The following ZNF281 variants were observed in gnomAD, a reference collection of about 807,000 sequenced individuals.
ZNF281 encodes zinc finger protein 281.
Under a neutral mutation model 58.8 loss-of-function variants are expected in ZNF281, and 2 were observed. The observed-to-expected ratio is 0.03, with a 90% CI of 0.01 to 0.11. The LOEUF (loss-of-function observed/expected upper bound fraction) is 0.11, where lower values mean the gene tolerates loss of function less well. ZNF281 is among the 10% of genes least tolerant of loss of function. ZNF281 has a pLI of 1.00. For missense variants in ZNF281, 975 were observed against 1,090.7 expected (o/e 0.89, Z 1.49); for synonymous variants, 465 against 407.7 (o/e 1.14, Z -1.69).
chr1:200,406,460 A>C lies in ZNF281; in HGVS notation c.*558T>G, dbSNP rs982253323. The C allele has an allele frequency of 6.5e-6, 1 of 152,692 alleles. No individual in the cohort carries two copies. Among genetic ancestry groups the C allele is most frequent in the African/African-American group, 2.4e-5 (1 of 41,448 alleles). The allele number at this position is 152,692 out of a possible 1,614,324, so 9.5% of individuals were successfully genotyped here. On this transcript the variant is annotated 3_prime_UTR_variant, in exon 2 of 2. Transcript: ENST00000367353. ...TTGGATCAGCCCAGATGGAGATAGC[A>C]ATTTGAAATGTCTTCGATCCCTTAC...
rs1310773993 is a variant in ZNF281, at chr1:200,405,413, C to G, written c.*1605G>C. On this transcript the variant is annotated 3_prime_UTR_variant, in exon 2 of 2. Transcript: ENST00000367353. The stretch of plus-strand genomic sequence containing the variant: ...TTAATTACTTTATTATACATGGAAG[C>G]CTGCGGTAGGCTGATTACACAATAA... 6.6e-6 allele frequency: 1 copy of G among 152,116 alleles called. No homozygotes were observed. The highest frequency in any genetic ancestry group is 1.5e-5 in the Non-Finnish European group (1 of 68,010). 9.4% of individuals were successfully genotyped at this position (152,116 alleles called of 1,614,324 possible). A position where few individuals can be genotyped will look rare whatever the true frequency, so the allele number is the denominator to read the frequency against.
Position 200,409,435 on chromosome 1 carries a change from G to A in ZNF281, c.271C>T (p.Pro91Ser), listed in dbSNP as rs924158512. The change falls in exon 2 of 2, where the codon CCC becomes TCC. Residue 91 changes from proline to serine, a missense_variant. By Grantham distance (74) the Pro-to-Ser change is moderately conservative. Coordinates refer to ENST00000367353, the MANE Select transcript of ZNF281 (RefSeq NM_001281293.2). ...GTCATGTCCGGGGCTGGCGGAGGGG[G>A]GGGCTCAGCGGCCGGGGCTGCGGAG... ...STSAAPAAEPPPPPAPDMTFK... is the reference protein window; with the variant it reads ...STSAAPAAEPSPPPAPDMTFK... 12 of 1,523,592 alleles carry A rather than the reference G, an allele frequency of 7.9e-6. No homozygotes were observed. The highest frequency in any genetic ancestry group is 1.8e-4 in the Middle Eastern group (1 of 5,664). 94.4% of individuals were successfully genotyped at this position (1,523,592 alleles called of 1,614,324 possible).
At position 200,409,503 on chromosome 1, in the gene ZNF281, C is replaced by A. The variant is rs1654555795; in HGVS notation, c.203G>T (p.Gly68Val). ...PPVTSFTRPAGSAAPPPQCVL... is the reference protein window; with the variant it reads ...PPVTSFTRPAVSAAPPPQCVL... ...GCATTGCGGGGGAGGGGCGGCCGAC[C>A]CCGCCGGCCGGGTGAAGCTGGTGAC... Residue 68 changes from glycine to valine, a missense_variant, in exon 2 of 2, where the codon GGG becomes GTG. By Grantham distance (109) the Gly-to-Val change is moderately radical. Coordinates refer to ENST00000367353, the MANE Select transcript of ZNF281 (RefSeq NM_001281293.2). 6.5e-7 allele frequency: 1 copy of A among 1,548,980 alleles called. No individual in the cohort carries two copies. The highest frequency in any genetic ancestry group is 8.7e-7 in the Non-Finnish European group (1 of 1,146,312).
rs775961466 is a variant in ZNF281, at chr1:200,407,062, A to G, written c.2644T>C (p.Cys882Arg). The G allele has an allele frequency of 6.2e-6, 10 of 1,614,036 alleles. No individual in the cohort carries two copies. The highest frequency in any genetic ancestry group is 7.6e-6 in the Non-Finnish European group (9 of 1,179,994). Residue 882 changes from cysteine (C) to arginine (R), a missense_variant, in exon 2 of 2, where the codon TGT becomes CGT. By Grantham distance (180) the Cys-to-Arg change is radical. Around this residue, in one of 3 missense-constraint regions of ZNF281, gnomAD observed 579 missense variants for 608.9 expected, o/e 0.95. Coordinates refer to ENST00000367353, the MANE Select transcript of ZNF281 (RefSeq NM_001281293.2). Reference protein sequence around the residue: ...TNMMSDVSEPCSTRVKTPTSQ... With the variant: ...TNMMSDVSEPRSTRVKTPTSQ... ...GTGGGTGTCTTTACTCTTGTACTAC[A>G]TGGCTCACTTACATCAGACATCATA...
chr1:200,405,117 C>T lies in ZNF281; in HGVS notation c.*1901G>A, dbSNP rs1458515529. 6.6e-6 allele frequency: 1 copy of T among 152,566 alleles called. No individual in the cohort carries two copies. Among genetic ancestry groups the T allele is most frequent in the African/African-American group, 2.4e-5 (1 of 41,442 alleles). The allele number at this position is 152,566 out of a possible 1,614,324, so 9.5% of individuals were successfully genotyped here. On this transcript the variant is annotated 3_prime_UTR_variant, in exon 2 of 2. Transcript: ENST00000367353. The stretch of plus-strand genomic sequence containing the variant: ...AGAGATACAGTGGTAAAGGTCCTCT[C>T]CATCCTTTGATTACAGCTTGTACTC...
Position 200,409,371 on chromosome 1 carries a change from G to A in ZNF281, c.335C>T (p.Pro112Leu), listed in dbSNP as rs781364082. The A allele has an allele frequency of 9.8e-6, 15 of 1,532,922 alleles. No homozygotes were observed. The highest frequency in any genetic ancestry group is 4.9e-5 in the East Asian group (2 of 40,838). The allele number at this position is 1,532,922 out of a possible 1,614,324, so 95.0% of individuals were successfully genotyped here. A position where few individuals can be genotyped will look rare whatever the true frequency, so the allele number is the denominator to read the frequency against. The change falls in exon 2 of 2, where the codon CCC (proline) becomes CTC (leucine). Residue 112 changes from proline (P) to leucine (L), a missense_variant. Physicochemically the swap from Pro to Leu is moderately conservative, Grantham distance 98. Around this residue, in one of 3 missense-constraint regions of ZNF281, gnomAD observed 370 missense variants for 360.9 expected, o/e 1.03. Coordinates refer to ENST00000367353, the MANE Select transcript of ZNF281 (RefSeq NM_001281293.2). Reference sequence around the variant, plus strand: ...GAACCCCCAGGAGGTCCTCTGCGAGGGGAAGGCCGCGGCTGACGCCGCCGG... The same window carrying A: ...GAACCCCCAGGAGGTCCTCTGCGAGAGGAAGGCCGCGGCTGACGCCGCCGG... ...KEPAASAAAF[P>L]SQRTSWGFLQ...
In ZNF281 at chr1:200,408,103, T is replaced by G; in HGVS notation, c.1603A>C (p.Met535Leu). Residue 535 changes from methionine (M) to leucine (L), a missense_variant, in exon 2 of 2, where the codon ATG becomes CTG. Physicochemically the swap from Met to Leu is conservative, Grantham distance 15 (BLOSUM62 2). Around this residue, in one of 3 missense-constraint regions of ZNF281, gnomAD observed 579 missense variants for 608.9 expected, o/e 0.95. Coordinates refer to ENST00000367353, the MANE Select transcript of ZNF281 (RefSeq NM_001281293.2). ...TATCTTCTTTTCTTTGAAAACTGCA[T>G]GGCATCATCATAATTACTACTTATC... ...GQISSNYDDA[M>L]QFSKKRRYLP... is the part of the protein sequence containing the mutation. 6.2e-7 allele frequency: 1 copy of G among 1,614,200 alleles called. No homozygotes were observed. Among genetic ancestry groups the G allele is most frequent in the Non-Finnish European group, 8.5e-7 (1 of 1,180,032 alleles).
intron 1 of ZNF281, 58 bp downstream of exon 1, chr1:200,409,888 C>A: frequency 1.1e-6 from 1 of 901,536 alleles, no homozygotes; most frequent in South Asian, 1.7e-5. Context: ...CACGCATGGT[C>A]CTGCGACTCT....
Position 200,409,652 on chromosome 1 carries a change from A to ACCGCTACTGCCGGTACCT in ZNF281, c.36_53dup (p.Thr14_Gly19dup). 6.4e-7 allele frequency: 1 copy of ACCGCTACTGCCGGTACCT among 1,550,556 alleles called. No homozygotes were observed. Among genetic ancestry groups the ACCGCTACTGCCGGTACCT allele is most frequent in the Non-Finnish European group, 8.7e-7 (1 of 1,151,136 alleles). ...TACCACCGCCGCCGGAGCCGCTACC[A>ACCGCTACTGCCGGTACCT]CCGCTACTGCCGGTACCTCCGCCGC... On this transcript the variant is annotated inframe_insertion, in exon 2 of 2. Coordinates refer to ENST00000367353, the MANE Select transcript of ZNF281 (RefSeq NM_001281293.2).
chr1:200,409,945 C>A lies in ZNF281; in HGVS notation c.-19+1G>T. On this transcript the variant is annotated splice_donor_variant, in intron 1 of 1. Coordinates refer to ENST00000367353, the MANE Select transcript of ZNF281 (RefSeq NM_001281293.2). LOFTEE classifies it low-confidence loss of function (5UTR_SPLICE). ...CTCCTGGACCCACCGGCAATACTTACGGGTCCCGCCGCCGCCGCAGCCGCC... is the reference window on the plus strand; with the variant it reads ...CTCCTGGACCCACCGGCAATACTTAAGGGTCCCGCCGCCGCCGCAGCCGCC... 1.6e-6 allele frequency: 1 copy of A among 609,154 alleles called. No individual in the cohort carries two copies. The highest frequency in any genetic ancestry group is 2.0e-5 in the South Asian group (1 of 48,964). 37.7% of individuals were successfully genotyped at this position (609,154 alleles called of 1,614,324 possible).
At position 200,408,176 on chromosome 1, in the gene ZNF281, A is replaced by G. The variant is rs1654508585; in HGVS notation, c.1530T>C (p.Ser510=). 1 of 1,613,958 alleles carries G rather than the reference A, an allele frequency of 6.2e-7. No homozygotes were observed. Among genetic ancestry groups the G allele is most frequent in the African/African-American group, 1.3e-5 (1 of 75,038 alleles). Residue 510 remains serine, a synonymous_variant, in exon 2 of 2, where the codon AGT becomes AGC. Coordinates refer to ENST00000367353, the MANE Select transcript of ZNF281 (RefSeq NM_001281293.2). ...TTTGGAGAAGACCAATGGTCTCCACACTATTATTTGATACTATGCCAAGTG... is the reference window on the plus strand; with the variant it reads ...TTTGGAGAAGACCAATGGTCTCCACGCTATTATTTGATACTATGCCAAGTG... ...SGSLGIVSNN[S]VETIGLLQST... is the part of the protein sequence containing the mutation.
In ZNF281 at chr1:200,407,523, A is replaced by C. The variant is rs773585038; in HGVS notation, c.2183T>G (p.Leu728Trp). ...CGFGQSVTSV[L>W]PSSLPKPPFG... ...AGGAGGCTTTGGCAATGAAGATGGC[A>C]ACACTGAGGTAACAGATTGGCCGAA... The change falls in exon 2 of 2, where the codon TTG becomes TGG. Residue 728 changes from leucine (L) to tryptophan (W), a missense_variant. Leu to Trp is a moderately conservative substitution (Grantham distance 61). This residue lies in a region of ZNF281 where 579 missense variants were observed against 608.9 expected (regional missense o/e 0.95). Transcript: ENST00000367353. 6.2e-7 allele frequency: 1 copy of C among 1,614,232 alleles called. No homozygotes were observed. Among genetic ancestry groups the C allele is most frequent in the Non-Finnish European group, 8.5e-7 (1 of 1,180,034 alleles).
In ZNF281 at chr1:200,407,716, T is replaced by C. The variant is rs1243142379; in HGVS notation, c.1990A>G (p.Met664Val). 1.2e-6 allele frequency: 2 copies of C among 1,614,212 alleles called. No individual in the cohort carries two copies. Among genetic ancestry groups the C allele is most frequent in the Admixed American group, 1.7e-5 (1 of 60,032 alleles). Residue 664 changes from methionine to valine, a missense_variant, in exon 2 of 2, where the codon ATG (methionine) becomes GTG (valine). Transcript: ENST00000367353. ...AGGTATTTGGAGTATTCTTGCAACA[T>C]ACTTGCTTTATCATTTGAAGGTGTT... ...TQTPSNDKAS[M>V]LQEYSKYLQQ... is the part of the protein sequence containing the mutation.
Position 200,406,782 on chromosome 1 carries a change from T to C in ZNF281, c.*236A>G. 2.5e-6 allele frequency: 1 copy of C among 395,178 alleles called. No homozygotes were observed. The highest frequency in any genetic ancestry group is 4.5e-6 in the Non-Finnish European group (1 of 223,908). 24.5% of individuals were successfully genotyped at this position (395,178 alleles called of 1,614,324 possible). ...GACGATCTATACATGTAAATTTGAT[T>C]GCTAAACATTGTCACTTTGAATGTC... On this transcript the variant is annotated 3_prime_UTR_variant, in exon 2 of 2. Transcript: ENST00000367353.
rs1654542313 is a variant in ZNF281 at position 200,409,302 on chromosome 1, G to A, written c.404C>T (p.Pro135Leu). Residue 135 changes from proline (P) to leucine (L), a missense_variant, in exon 2 of 2, where the codon CCT (proline) becomes CTT (leucine). Physicochemically the swap from Pro to Leu is moderately conservative, Grantham distance 98. Coordinates refer to ENST00000367353, the MANE Select transcript of ZNF281 (RefSeq NM_001281293.2). ...VSIKQEKPAD[P>L]EEQQSHHHHH... ...GTGGTGGTGGGACTGCTGCTCCTCA[G>A]GATCCGCGGGTTTCTCCTGTTTGAT... is the stretch of plus-strand genomic sequence containing the variant. 1.9e-6 allele frequency: 3 copies of A among 1,604,366 alleles called. No homozygotes were observed. Among genetic ancestry groups the A allele is most frequent in the African/African-American group, 2.7e-5 (2 of 74,594 alleles).
At position 200,407,218 on chromosome 1, in the gene ZNF281, T is replaced by G. The variant is rs201332632; in HGVS notation, c.2488A>C (p.Asn830His). ...TGAGAACCAAACGCTTGTGCAAAGT[T>G]CTCAATCTGATACGTTGTTCTAGGC... ...IEPRTTYQIE[N>H]FAQAFGSQFK... The change falls in exon 2 of 2, where the codon AAC becomes CAC. Residue 830 changes from asparagine to histidine, a missense_variant. Around this residue, in one of 3 missense-constraint regions of ZNF281, gnomAD observed 579 missense variants for 608.9 expected, o/e 0.95. Coordinates refer to ENST00000367353, the MANE Select transcript of ZNF281 (RefSeq NM_001281293.2). The G allele has an allele frequency of 1.2e-6, 2 of 1,614,236 alleles. No individual in the cohort carries two copies. Among genetic ancestry groups the G allele is most frequent in the Non-Finnish European group, 1.7e-6 (2 of 1,180,036 alleles).
chr1:200,409,173 C>T lies in ZNF281; in HGVS notation c.533G>A (p.Ser178Asn), dbSNP rs1158440663. 6.2e-7 allele frequency: 1 copy of T among 1,614,158 alleles called. No individual in the cohort carries two copies. Among genetic ancestry groups the T allele is most frequent in the Admixed American group, 1.7e-5 (1 of 60,022 alleles). Residue 178 changes from serine to asparagine, a missense_variant, in exon 2 of 2, where the codon AGT (serine) becomes AAT (asparagine). By Grantham distance (46) the Ser-to-Asn change is conservative. This residue lies in a region of ZNF281 where 370 missense variants were observed against 360.9 expected (regional missense o/e 1.03). Coordinates refer to ENST00000367353, the MANE Select transcript of ZNF281 (RefSeq NM_001281293.2). ...CTGCTGGACATGCTGGTGGAGAATA[C>T]TGAGGTCCTGGATGACGCCGTGACT... The part of the protein sequence containing the change: ...GGSHGVIQDL[S>N]ILHQHVQQQP...
rs1571697780 is a variant in ZNF281 at position 200,410,034 on chromosome 1, A to G, written c.-107T>C. 1.9e-5 allele frequency: 8 copies of G among 425,020 alleles called. No homozygotes were observed. The highest frequency in any genetic ancestry group is 3.4e-5 in the Non-Finnish European group (8 of 236,610). 26.3% of individuals were successfully genotyped at this position (425,020 alleles called of 1,614,324 possible). A position where few individuals can be genotyped will look rare whatever the true frequency, so the allele number is the denominator to read the frequency against. On this transcript the variant is annotated 5_prime_UTR_variant, in exon 1 of 2. Transcript: ENST00000367353. ...CAATGGAATTAAAAGCCTCCCGTGT[A>G]CTGCGCAGCCGCGGCGCAGTGTCTG...
chr1:200,408,570 T>C lies in ZNF281; in HGVS notation c.1136A>G (p.Glu379Gly), dbSNP rs767667882. The C allele has an allele frequency of 1.2e-6, 2 of 1,614,242 alleles. No homozygotes were observed. Among genetic ancestry groups the C allele is most frequent in the Admixed American group, 3.3e-5 (2 of 60,026 alleles). Residue 379 changes from glutamate (E) to glycine (G), a missense_variant, in exon 2 of 2, where the codon GAA becomes GGA. Glu to Gly is a moderately conservative substitution (Grantham distance 98, BLOSUM62 -2). Around this residue, in one of 3 missense-constraint regions of ZNF281, gnomAD observed 579 missense variants for 608.9 expected, o/e 0.95. Coordinates refer to ENST00000367353, the MANE Select transcript of ZNF281 (RefSeq NM_001281293.2). Reference sequence around the variant, plus strand: ...ATTGGTATGGTTTGATGACCCAGGTTCTGCACTAGTGGCTCCTTTAACTAT... The same window carrying C: ...ATTGGTATGGTTTGATGACCCAGGTCCTGCACTAGTGGCTCCTTTAACTAT... ...EVIVKGATSA[E>G]PGSSNHTNMG...
Sources: gnomAD v4.1 joint callset for allele counts on GRCh38, gnomAD v4.1.1 for gene constraint, gnomAD v4.1.1 regional missense constraint, MANE v1.5 for transcripts, NCBI Gene and HGNC (gene_info 2026-07-23, HGNC 2026-07-21) for gene names.